The following TYR variants were observed in gnomAD, a reference collection of about 807,000 sequenced individuals.
TYR encodes the protein tyrosinase.
TYR carries 58 observed loss-of-function variants against 51.5 expected under a neutral mutation model. The ratio of observed to expected loss-of-function variants is 1.13; its 90% CI spans 0.91 to 1.40. The LOEUF (loss-of-function observed/expected upper bound fraction) is 1.40, where lower values mean the gene tolerates loss of function less well. Ranked by LOEUF, TYR falls within the 40% of genes most tolerant of loss-of-function variation. TYR has a pLI of 0.00. For missense variants in TYR, 732 were observed against 647.4 expected, an observed-to-expected ratio of 1.13 and a Z score of -1.42; for synonymous variants, 263 against 235.2, an observed-to-expected ratio of 1.12 and a Z score of -1.08.
At chr11:89,226,005 A>G (rs1591167056) in intron 2 of TYR, among the ~76,000 whole-genome samples, 1 of 152,168 alleles carries the variant, frequency 6.6e-6, no homozygotes, top group Middle Eastern at 3.4e-3. Flanking sequence ...GAAAAATATA[A>G]AACTTTAAAA....
chr11:89,191,205 G>A lies in TYR; in HGVS notation c.823G>A (p.Val275Ile), dbSNP rs104894314. Residue 275 changes from valine to isoleucine, a missense_variant, in exon 2 of 5, where the codon GTC (valine) becomes ATC (isoleucine). Physicochemically the swap from Val to Ile is conservative, Grantham distance 29. Coordinates refer to ENST00000263321, the MANE Select transcript of TYR (RefSeq NM_000372.5). ...PASFFSSWQI[V>I]CSRLEEYNSH... is the part of the protein sequence containing the mutation. ...AACATGAGGGTGTTTTGTACAGATTGTCTGTAGCCGATTGGAGGAGTACAA... is the reference window on the plus strand; with the variant it reads ...AACATGAGGGTGTTTTGTACAGATTATCTGTAGCCGATTGGAGGAGTACAA... 2 of 1,613,358 alleles carry A rather than the reference G, an allele frequency of 1.2e-6. No individual in the cohort carries two copies. The highest frequency in any genetic ancestry group is 2.2e-5 in the South Asian group (2 of 91,070).
At position 89,178,121 on chromosome 11, in the gene TYR, G is replaced by A. The variant is rs11545464; in HGVS notation, c.168G>A (p.Gln56=). The A allele has an allele frequency of 2.5e-6, 4 of 1,614,100 alleles. No individual in the cohort carries two copies. In the African/African-American group the frequency reaches 4.0e-5, roughly 16 times the overall value. Residue 56 remains glutamine, a synonymous_variant, in exon 1 of 5, where the codon CAG becomes CAA. Transcript: ENST00000263321. ...AGCTTTCAGGCAGAGGTTCCTGTCA[G>A]AATATCCTTCTGTCCAATGCACCAC... The part of the protein sequence containing the change: ...CGQLSGRGSC[Q]NILLSNAPLG...
intron 3 of TYR, 89 bp downstream of exon 3, chr11:89,228,059 C>A: frequency 1.3e-6 from 2 of 1,521,766 alleles, no homozygotes; most frequent in Non-Finnish European, 1.8e-6. Context: ...TAAATAAAAG[C>A]TAAGAAGTTA....
At chr11:89,190,582 AG>A (rs1327983264) in intron 1 of TYR, among the ~76,000 whole-genome samples, 38 of 152,140 alleles carry the variant, frequency 2.5e-4, no homozygotes, top group African/African-American at 9.2e-4. Flanking sequence ...AGTTACAGGA[AG>A]CTAAGGTGAA....
intron 3 of TYR, among the ~76,000 whole-genome samples, chr11:89,266,694 A>G (rs138223777): frequency 0.012 from 1,781 of 152,048 alleles, 34 homozygotes; most frequent in African/African-American, 0.041. Context: ...GATTTTTGCT[A>G]TTTTGTTCTT....
chr11:89,247,870 C>T (rs1944286227), intron 3 of TYR, among the ~76,000 whole-genome samples: 1 of 152,052 alleles, frequency 6.6e-6, no homozygotes, highest in African/African-American at 2.4e-5. Flanking sequence ...ATAATTATTT[C>T]GAGAGCCAAA....
chr11:89,190,165 G>A (rs371828403), intron 1 of TYR, among the ~76,000 whole-genome samples: 5 of 151,906 alleles, frequency 3.3e-5, no homozygotes, highest in Non-Finnish European at 7.4e-5. Flanking sequence ...CATTATTTTC[G>A]AATGTACTTC....
intron 3 of TYR, among the ~76,000 whole-genome samples, chr11:89,278,156 T>C (rs981262426): frequency 6.6e-6 from 1 of 151,734 alleles, no homozygotes; most frequent in Non-Finnish European, 1.5e-5. Context: ...TTCAGAAATA[T>C]TCTTCTACCA....
At chr11:89,267,762 T>C (rs1944542881) in intron 3 of TYR, among the ~76,000 whole-genome samples, 1 of 151,942 alleles carries the variant, frequency 6.6e-6, no homozygotes, top group African/African-American at 2.4e-5. Flanking sequence ...TGTTTTTCTT[T>C]TTCCTGATTA....
intron 3 of TYR, among the ~76,000 whole-genome samples, chr11:89,228,320 G>A (rs1944002270): frequency 6.6e-6 from 1 of 152,166 alleles, no homozygotes; most frequent in African/African-American, 2.4e-5. Flanking sequence ...ATGAGTCTTT[G>A]TACTTCCATG....
intron 3 of TYR, among the ~76,000 whole-genome samples, chr11:89,257,796 C>T (rs1944411713): frequency 6.6e-6 from 1 of 152,012 alleles, no homozygotes; most frequent in African/African-American, 2.4e-5. Flanking sequence ...ATGACTCAAA[C>T]TTTCTTTCCC....
chr11:89,217,220 CATTT>C (rs750074000), intron 2 of TYR, among the ~76,000 whole-genome samples: 1 of 152,130 alleles, frequency 6.6e-6, no homozygotes, highest in Non-Finnish European at 1.5e-5. Flanking sequence ...AAAATGCGAA[CATTT>C]ATTATCTAAC....
At chr11:89,283,298 T>A (rs1488385763) in intron 3 of TYR, among the ~76,000 whole-genome samples, 1 of 151,890 alleles carries the variant, frequency 6.6e-6, no homozygotes, top group Non-Finnish European at 1.5e-5. Context: ...AATTGTTTTC[T>A]GTCATGGAAA....
At chr11:89,260,921 C>T (rs567607826) in intron 3 of TYR, among the ~76,000 whole-genome samples, 2 of 152,168 alleles carry the variant, frequency 1.3e-5, no homozygotes, top group Admixed American at 6.5e-5. Flanking sequence ...CTGAGCTCTG[C>T]CTCCTGTCAG....
intron 1 of TYR, among the ~76,000 whole-genome samples, chr11:89,181,984 T>C (rs1001534189): frequency 6.6e-6 from 1 of 152,230 alleles, no homozygotes; most frequent in Non-Finnish European, 1.5e-5. Context: ...GTCCTTTTAA[T>C]TTATATCATA....
intron 2 of TYR, among the ~76,000 whole-genome samples, chr11:89,225,220 G>C (rs781160435): frequency 2.0e-5 from 3 of 151,792 alleles, no homozygotes; most frequent in African/African-American, 7.3e-5. Flanking sequence ...TATACATTGG[G>C]AAATGGCTAA....
chr11:89,213,115 A>G (rs930084420), intron 2 of TYR, among the ~76,000 whole-genome samples: 1 of 152,346 alleles, frequency 6.6e-6, no homozygotes, highest in African/African-American at 2.4e-5. Context: ...AAAGAAAAAA[A>G]GGATATTGAA....
intron 2 of TYR, among the ~76,000 whole-genome samples, chr11:89,202,841 A>G (rs1943616997): frequency 6.6e-6 from 1 of 152,134 alleles, no homozygotes; most frequent in Non-Finnish European, 1.5e-5. Flanking sequence ...AAAACTCGTT[A>G]TTTCATGGCT....
chr11:89,184,010 T>G (rs1000223384), intron 1 of TYR, among the ~76,000 whole-genome samples: 2 of 152,100 alleles, frequency 1.3e-5, no homozygotes, highest in African/African-American at 4.8e-5. Flanking sequence ...CCCAAGGCCA[T>G]GTAACTAATA....
Sources: gnomAD v4.1 joint callset for allele counts (sites outside exome capture counted in the v4.1 genomes callset) on GRCh38, gnomAD v4.1.1 for gene constraint, MANE v1.5 for transcripts, NCBI Gene and HGNC (gene_info 2026-07-23, HGNC 2026-07-21) for gene names.